The following SEZ6L variants were observed in gnomAD, a reference collection of about 807,000 sequenced individuals.
SEZ6L encodes the protein seizure 6-like protein.
A neutral mutation model predicts 106.2 loss-of-function variants in SEZ6L; 37 were observed. The observed-to-expected ratio is 0.35, with a 90% CI of 0.27 to 0.46. The LOEUF is 0.46. Ranked by LOEUF, SEZ6L falls within the 20% of genes least tolerant of loss-of-function variation. SEZ6L has a pLI of 1.00. For missense variants in SEZ6L, 1,172 were observed against 1,332.8 expected, an observed-to-expected ratio of 0.88 and a Z score of 1.88; for synonymous variants, 541 against 570.4, an observed-to-expected ratio of 0.95 and a Z score of 0.73.
rs903814703 is a variant in SEZ6L, at chr22:26,381,099, C to T, written c.*804C>T. On this transcript the variant is annotated 3_prime_UTR_variant, in exon 17 of 17. Coordinates refer to ENST00000248933, the MANE Select transcript of SEZ6L (RefSeq NM_021115.5). ...TGACACTCTTTCAATGATGAAAGAG[C>T]GTGTAATTTATGCTACAAGTGCCAG... The T allele has an allele frequency of 3.3e-5, 5 of 152,140 alleles. No individual in the cohort carries two copies. The highest frequency in any genetic ancestry group is 1.2e-4 in the African/African-American group (5 of 41,512). The allele number at this position is 152,140 out of a possible 1,614,324, so 9.4% of individuals were successfully genotyped here.
At chr22:26,251,146 C>G (rs143025423) in intron 1 of SEZ6L, among the ~76,000 whole-genome samples, 249 of 152,248 alleles carry the variant, frequency 1.6e-3, no homozygotes, top group African/African-American at 5.5e-3. Context: ...CTTTCTTTGC[C>G]TAGTTGCTCT....
intron 1 of SEZ6L, among the ~76,000 whole-genome samples, chr22:26,253,353 G>C (rs2079675316): frequency 6.6e-6 from 1 of 152,106 alleles, no homozygotes; most frequent in Non-Finnish European, 1.5e-5. Flanking sequence ...ATTGTTGGTG[G>C]TACTGCTGCT....
At chr22:26,195,695 ATAAG>A (rs1366916933) in intron 1 of SEZ6L, among the ~76,000 whole-genome samples, 1 of 152,098 alleles carries the variant, frequency 6.6e-6, no homozygotes, top group Non-Finnish European at 1.5e-5. Context: ...AAGAAAGACA[ATAAG>A]TAAGTTAATA....
rs2083052877 is a variant in SEZ6L, at chr22:26,347,635, C to T, written c.2213-84C>T. 12 of 1,162,122 alleles carry T rather than the reference C, an allele frequency of 1.0e-5. No homozygotes were observed. Among genetic ancestry groups the T allele is most frequent in the African/African-American group, 3.3e-5 (2 of 61,396 alleles). The allele number at this position is 1,162,122 out of a possible 1,614,324, so 72.0% of individuals were successfully genotyped here. ...ATTTCTAGAGGCTTTTTTTTCTCTT[C>T]GCTCATCCCTCTAGCCGTCATAAAA... On this transcript the variant is annotated intron_variant, in intron 10 of 16. Coordinates refer to ENST00000248933, the MANE Select transcript of SEZ6L (RefSeq NM_021115.5).
intron 1 of SEZ6L, among the ~76,000 whole-genome samples, chr22:26,284,908 AT>A (rs202099381): frequency 1.5e-4 from 22 of 150,052 alleles, no homozygotes; most frequent in Admixed American, 4.6e-4. Flanking sequence ...AGGAGTCTTT[AT>A]TTTTTTTTTC....
intron 1 of SEZ6L, among the ~76,000 whole-genome samples, chr22:26,217,701 C>T (rs924651945): frequency 1.3e-5 from 2 of 152,362 alleles, no homozygotes; most frequent in Non-Finnish European, 1.5e-5. Context: ...CAAGGCCCCA[C>T]GGTTCTTTCA....
At chr22:26,337,694 A>T (rs946036059) in intron 9 of SEZ6L, among the ~76,000 whole-genome samples, 2 of 152,028 alleles carry the variant, frequency 1.3e-5, no homozygotes, top group Non-Finnish European at 2.9e-5. Flanking sequence ...CTGGTTAAAA[A>T]CTGTCAGGGG....
At chr22:26,263,402 A>G (rs940969580) in intron 1 of SEZ6L, among the ~76,000 whole-genome samples, 6 of 152,232 alleles carry the variant, frequency 3.9e-5, no homozygotes, top group Non-Finnish European at 7.3e-5. Flanking sequence ...CCATGTCTCA[A>G]TATCTCTGGA....
chr22:26,311,960 G>A lies in SEZ6L; in HGVS notation c.1874G>A (p.Arg625Lys), dbSNP rs2081850046. The change falls in exon 8 of 17, where the codon AGA becomes AAA. Residue 625 changes from arginine (R) to lysine (K), a missense_variant and splice_region_variant. Around this residue, in one of 4 missense-constraint regions of SEZ6L, gnomAD observed 534 missense variants for 691.0 expected, o/e 0.77. Transcript: ENST00000248933. The part of the protein sequence containing the change: ...PYWNDTEPLC[R>K]AMCGGELSAV... ...TGGAATGACACAGAGCCCCTGTGCA[G>A]AGGTGAGCGGATCCACAACGCTCTT... 2 of 1,613,238 alleles carry A rather than the reference G, an allele frequency of 1.2e-6. No individual in the cohort carries two copies. The highest frequency in any genetic ancestry group is 1.7e-6 in the Non-Finnish European group (2 of 1,179,416).
chr22:26,346,621 C>CTGAAGGCT (rs1397907654), intron 10 of SEZ6L, among the ~76,000 whole-genome samples: 2 of 152,204 alleles, frequency 1.3e-5, no homozygotes, highest in African/African-American at 4.8e-5. Context: ...CTGCAGTCAC[C>CTGAAGGCT]TGAAGGCTTG....
intron 1 of SEZ6L, among the ~76,000 whole-genome samples, chr22:26,222,165 TG>T (rs2078496812): frequency 6.6e-6 from 1 of 152,168 alleles, no homozygotes; most frequent in African/African-American, 2.4e-5. Flanking sequence ...AGTTATAACC[TG>T]GGAATCTGCA....
At chr22:26,209,764 CGAGG>C (rs2078094679) in intron 1 of SEZ6L, among the ~76,000 whole-genome samples, 1 of 95,640 alleles carries the variant, frequency 1.0e-5, no homozygotes, top group Non-Finnish European at 2.1e-5. Context: ...AGGAAGGAAG[CGAGG>C]GAGGGAGGGA....
At position 26,294,212 on chromosome 22, in the gene SEZ6L, C is replaced by G. The variant is rs752690519; in HGVS notation, c.836-80C>G. The G allele has an allele frequency of 1.8e-4, 255 of 1,436,648 alleles. 1 individual carries two copies. Among genetic ancestry groups the G allele is most frequent in the Middle Eastern group, 1.3e-3 (7 of 5,452 alleles). 89.0% of individuals were successfully genotyped at this position (1,436,648 alleles called of 1,614,324 possible). On this transcript the variant is annotated intron_variant, in intron 2 of 16. Transcript: ENST00000248933. ...CAGCAAAATGCAGGTTCCCCTAAAG[C>G]CCCCATTCCACCCCACAGCCCATGG...
chr22:26,267,043 G>T (rs763999408), intron 1 of SEZ6L, among the ~76,000 whole-genome samples: 1 of 152,194 alleles, frequency 6.6e-6, no homozygotes, highest in Non-Finnish European at 1.5e-5. Flanking sequence ...AGAGGAAATC[G>T]TGTGTACAGA....
At chr22:26,363,111 G>A (rs996437193) in intron 12 of SEZ6L, among the ~76,000 whole-genome samples, 1 of 152,186 alleles carries the variant, frequency 6.6e-6, no homozygotes, top group African/African-American at 2.4e-5. Flanking sequence ...CTCAACTCCA[G>A]CCAGTCATTG....
intron 1 of SEZ6L, among the ~76,000 whole-genome samples, chr22:26,215,816 G>C (rs777539275): frequency 6.6e-6 from 1 of 152,182 alleles, no homozygotes; most frequent in Non-Finnish European, 1.5e-5. Context: ...AGGGCCATTC[G>C]CCTGGGGTGA....
At chr22:26,308,664 A>C (rs968855638) in intron 6 of SEZ6L, among the ~76,000 whole-genome samples, 3 of 114,412 alleles carry the variant, frequency 2.6e-5, no homozygotes, top group African/African-American at 4.1e-5. Context: ...TAAGTCCTGC[A>C]GGGAAAAAAA....
chr22:26,219,487 A>G (rs2078398500), intron 1 of SEZ6L, among the ~76,000 whole-genome samples: 1 of 152,092 alleles, frequency 6.6e-6, no homozygotes, highest in Non-Finnish European at 1.5e-5. Flanking sequence ...TATTTTCCAT[A>G]CGGACTCTTG....
At chr22:26,178,854 G>C (rs1395023002) in intron 1 of SEZ6L, among the ~76,000 whole-genome samples, 1 of 152,180 alleles carries the variant, frequency 6.6e-6, no homozygotes, top group Non-Finnish European at 1.5e-5. Context: ...ATGAGTTGCT[G>C]TTGTTACTGA....
Sources: gnomAD v4.1 joint callset for allele counts (sites outside exome capture counted in the v4.1 genomes callset) on GRCh38, gnomAD v4.1.1 for gene constraint, gnomAD v4.1.1 regional missense constraint, MANE v1.5 for transcripts, NCBI Gene and HGNC (gene_info 2026-07-23, HGNC 2026-07-21) for gene names.